MMP15: variants seen among roughly 807,000 people sequenced by gnomAD.
MMP15 encodes the protein matrix metallopeptidase 15.
Under a neutral mutation model 65.0 loss-of-function variants are expected in MMP15, and 36 were observed. That is an observed-to-expected ratio of 0.55 (90% CI 0.42 to 0.73). The LOEUF (loss-of-function observed/expected upper bound fraction) is 0.73, where lower values mean the gene tolerates loss of function less well. Among genes scored for constraint, MMP15 ranks in the 30% least tolerant of loss-of-function variants. The pLI, the probability that MMP15 is intolerant of heterozygous loss-of-function variation, is 0.00. For missense variants in MMP15, 870 were observed against 987.8 expected, an observed-to-expected ratio of 0.88 and a Z score of 1.60; for synonymous variants, 428 against 410.2, an observed-to-expected ratio of 1.04 and a Z score of -0.52.
chr16:58,045,570 C>T lies in MMP15; in HGVS notation c.*124C>T, dbSNP rs975570805. 44 of 751,552 alleles carry T rather than the reference C, an allele frequency of 5.9e-5. No individual in the cohort carries two copies. In the East Asian group the frequency reaches 1.2e-3, roughly 20 times the overall value. The allele number at this position is 751,552 out of a possible 1,614,324, so 46.6% of individuals were successfully genotyped here. On this transcript the variant is annotated 3_prime_UTR_variant, in exon 10 of 10. Coordinates refer to ENST00000219271, the MANE Select transcript of MMP15 (RefSeq NM_002428.4). ...CCTCACACACCCTGTCTGCCCCGCC[C>T]TCATTATTTATGTCCAGGTGTTTGT...
chr16:58,039,926 G>A lies in MMP15; in HGVS notation c.492G>A (p.Val164=), dbSNP rs949619425. Residue 164 remains valine, a synonymous_variant, in exon 4 of 10, where the codon GTG becomes GTA. Transcript: ENST00000219271. Reference sequence around the variant, plus strand: ...GCTGGTACCACTCGATGGAGGCGGTGCGCAGGGCCTTCCGCGTGTGGGAGC... The same window carrying A: ...GCTGGTACCACTCGATGGAGGCGGTACGCAGGGCCTTCCGCGTGTGGGAGC... ...KLGWYHSMEA[V]RRAFRVWEQA... is the part of the protein sequence containing the mutation. The A allele has an allele frequency of 3.7e-6, 6 of 1,612,348 alleles. No homozygotes were observed. Among genetic ancestry groups the A allele is most frequent in the African/African-American group, 1.3e-5 (1 of 74,940 alleles).
chr16:58,038,402 G>A lies in MMP15; in HGVS notation c.440+8G>A. The A allele has an allele frequency of 6.2e-7, 1 of 1,613,730 alleles. No individual in the cohort carries two copies. The highest frequency in any genetic ancestry group is 1.1e-5 in the South Asian group (1 of 91,072). On this transcript the variant is annotated splice_region_variant and intron_variant, in intron 3 of 9. Coordinates refer to ENST00000219271, the MANE Select transcript of MMP15 (RefSeq NM_002428.4). ...CCACCATCTGACCTTTAGGTAGGGG[G>A]CTCAGCTGCCCAGGGAAGCATCTGC...
Position 58,043,358 on chromosome 16 carries a change from C to A in MMP15, c.1452C>A (p.Asp484Glu). 1.9e-6 allele frequency: 3 copies of A among 1,604,638 alleles called. No individual in the cohort carries two copies. Among genetic ancestry groups the A allele is most frequent in the South Asian group, 1.1e-5 (1 of 89,650 alleles). The change falls in exon 8 of 10, where the codon GAC (aspartate) becomes GAA (glutamate). Residue 484 changes from aspartate (D) to glutamate (E), a missense_variant and splice_region_variant. Coordinates refer to ENST00000219271, the MANE Select transcript of MMP15 (RefSeq NM_002428.4). ...GCCACACCTTCTTCTTCCAAGAGGA[C>A]AGGTGAGCAGTGCGTCCCTCCCCTA... ...PTGHTFFFQE[D>E]RYWRFNEETQ...
chr16:58,041,702 C>T lies in MMP15; in HGVS notation c.996C>T (p.Pro332=), dbSNP rs1007047854. 2.5e-6 allele frequency: 4 copies of T among 1,581,554 alleles called. No homozygotes were observed. In the African/African-American group the frequency reaches 4.1e-5, roughly 16 times the overall value. ...CAGGCCGGCCTGACCACCGGCCGCC[C>T]CGGCCTCCCCAGCCACCACCCCCAG... ...RRPGRPDHRP[P]RPPQPPPPGG... The change falls in exon 6 of 10, where the codon CCC becomes CCT. Residue 332 remains proline (P), a synonymous_variant. Transcript: ENST00000219271.
chr16:58,037,722 G>A, intron 2 of MMP15, 102 bp downstream of exon 2: 1 of 1,506,880 alleles, frequency 6.6e-7, no homozygotes, highest in Admixed American at 2.0e-5. Flanking sequence ...GAGTGGCCTA[G>A]ATAAGAGATG....
At chr16:58,044,137 A>G (rs1959507408) in intron 9 of MMP15, among the ~76,000 whole-genome samples, 2 of 152,160 alleles carry the variant, frequency 1.3e-5, no homozygotes, top group South Asian at 4.1e-4. Context: ...TTCTCTAGCA[A>G]GGTCTCTAGT....
chr16:58,031,853 C>CTTTTTTTTTTTTTT (rs749779284), intron 1 of MMP15, among the ~76,000 whole-genome samples: 1 of 57,710 alleles, frequency 1.7e-5, no homozygotes, highest in African/African-American at 8.3e-5. Context: ...TCGATGCCGC[C>CTTTTTTTTTTTTTT]TTTTTTTTTT....
intron 1 of MMP15, among the ~76,000 whole-genome samples, chr16:58,035,265 C>T (rs1469872856): frequency 6.6e-6 from 1 of 152,208 alleles, no homozygotes. Flanking sequence ...AGGGTACCCA[C>T]GACATTGCCA....
chr16:58,031,952 C>A (rs1963894970), intron 1 of MMP15, among the ~76,000 whole-genome samples: 1 of 149,064 alleles, frequency 6.7e-6, no homozygotes. Context: ...ACTGCAACCT[C>A]CGCCTCCCAG....
intron 1 of MMP15, among the ~76,000 whole-genome samples, chr16:58,032,159 C>T (rs1424230981): frequency 6.6e-6 from 1 of 152,224 alleles, no homozygotes; most frequent in African/African-American, 2.4e-5. Context: ...GCTGCCATGC[C>T]CTGCCCATGC....
Position 58,038,375 on chromosome 16 carries a change from A to C in MMP15, c.421A>C (p.Asn141His), listed in dbSNP as rs1567430300. 1 of 1,614,050 alleles carries C rather than the reference A, an allele frequency of 6.2e-7. No homozygotes were observed. The highest frequency in any genetic ancestry group is 8.5e-7 in the Non-Finnish European group (1 of 1,179,992). Residue 141 changes from asparagine (N) to histidine (H), a missense_variant, in exon 3 of 10, where the codon AAC becomes CAC. Transcript: ENST00000219271. ...CGCCCTCACCGGGAGGAAGTGGAAC[A>C]ACCACCATCTGACCTTTAGGTAGGG... ...RYALTGRKWN[N>H]HHLTFSIQNY... is the part of the protein sequence containing the mutation.
chr16:58,042,400 A>G, intron 7 of MMP15, 31 bp downstream of exon 7: 1 of 1,609,772 alleles, frequency 6.2e-7, no homozygotes. Context: ...AGGGTTGGGC[A>G]CGCCTCCTGC....
intron 1 of MMP15, 95 bp from the exon 2 acceptor site, chr16:58,037,377 G>C (rs1051989998): frequency 6.7e-7 from 1 of 1,485,120 alleles, no homozygotes. Flanking sequence ...ATAGAGCAGC[G>C]GTGGTGGAGG....
At chr16:58,030,140 T>C (rs1220532436) in intron 1 of MMP15, among the ~76,000 whole-genome samples, 1 of 152,178 alleles carries the variant, frequency 6.6e-6, no homozygotes, top group Non-Finnish European at 1.5e-5. Context: ...GGAGCAATGC[T>C]TTGGTCCTGG....
intron 9 of MMP15, 101 bp from the exon 10 acceptor site, chr16:58,044,903 GAGA>G (rs1226131878): frequency 1.2e-5 from 15 of 1,269,770 alleles, no homozygotes; most frequent in Admixed American, 2.0e-5. Context: ...GGAAGCAAAT[GAGA>G]AGAAGGGTGT....
Position 58,042,281 on chromosome 16 carries a change from C to T in MMP15, c.1215C>T (p.Pro405=), listed in dbSNP as rs149320877. 8.1e-6 allele frequency: 13 copies of T among 1,614,128 alleles called. No individual in the cohort carries two copies. Among genetic ancestry groups the T allele is most frequent in the Non-Finnish European group, 1.1e-5 (13 of 1,180,050 alleles). ...ACAACCGCGTCCTGGACAACTATCC[C>T]ATGCCCATCGGGCACTTCTGGCGTG... is the stretch of plus-strand genomic sequence containing the variant. ...VRHNRVLDNY[P]MPIGHFWRGL... is the part of the protein sequence containing the mutation. The change falls in exon 7 of 10, where the codon CCC becomes CCT. Residue 405 remains proline, a synonymous_variant. Transcript: ENST00000219271.
intron 1 of MMP15, among the ~76,000 whole-genome samples, chr16:58,033,441 A>G (rs1006045645): frequency 6.6e-6 from 1 of 152,206 alleles, no homozygotes; most frequent in African/African-American, 2.4e-5. Context: ...GTGAGCATTC[A>G]GTGGGGGCTG....
chr16:58,041,690 C>T lies in MMP15; in HGVS notation c.984C>T (p.Asp328=). Residue 328 remains aspartate (D), a synonymous_variant, in exon 6 of 10, where the codon GAC becomes GAT. Coordinates refer to ENST00000219271, the MANE Select transcript of MMP15 (RefSeq NM_002428.4). ...TVTPRRPGRP[D]HRPPRPPQPP... ...CGCCACGGCGGCCAGGCCGGCCTGA[C>T]CACCGGCCGCCCCGGCCTCCCCAGC... 6.3e-7 allele frequency: 1 copy of T among 1,578,318 alleles called. No homozygotes were observed. Among genetic ancestry groups the T allele is most frequent in the East Asian group, 2.4e-5 (1 of 42,496 alleles).
At chr16:58,027,692 A>G (rs1410885670) in intron 1 of MMP15, among the ~76,000 whole-genome samples, 1 of 152,086 alleles carries the variant, frequency 6.6e-6, no homozygotes, top group Non-Finnish European at 1.5e-5. Context: ...TACTTTAATA[A>G]AAGCATAGAG....
Sources: allele counts gnomAD v4.1 joint callset (sites outside exome capture counted in the v4.1 genomes callset), GRCh38; gene constraint gnomAD v4.1.1; transcripts MANE v1.5; gene names NCBI Gene and HGNC (gene_info 2026-07-23, HGNC 2026-07-21).